The following MYH11 variants were observed in gnomAD, a reference collection of about 807,000 sequenced individuals.
The protein encoded by MYH11 is myosin-11.
In MYH11, 80 loss-of-function variants were observed where a neutral mutation model predicts 246.6. The observed-to-expected ratio is 0.32, with a 90% CI of 0.27 to 0.39. The LOEUF (loss-of-function observed/expected upper bound fraction) is 0.39. Ranked by LOEUF, MYH11 falls within the 10% of genes least tolerant of loss-of-function variation. MYH11 has a pLI of 1.00. For synonymous variants in MYH11, 1,071 were observed against 1,015.5 expected (o/e 1.05, Z -1.04); for missense variants, 2,158 against 2,546.8 (o/e 0.85, Z 3.29).
chr16:15,786,184 G>C (rs535984963), intron 5 of MYH11: 4 of 346,254 alleles, frequency 1.2e-5, no homozygotes, highest in South Asian at 2.3e-5. Context: ...GGGAACATCT[G>C]ACAATGTCTA....
At chr16:15,795,220 G>A (rs901573810) in intron 4 of MYH11, among the ~76,000 whole-genome samples, 2 of 152,102 alleles carry the variant, frequency 1.3e-5, no homozygotes, top group South Asian at 2.1e-4. Context: ...TTGAACCCAG[G>A]AGGCGGGGGT....
intron 26 of MYH11, 137 bp downstream of exon 26, chr16:15,735,229 A>T: frequency 1.1e-6 from 1 of 912,276 alleles, no homozygotes; most frequent in Non-Finnish European, 1.8e-6. Context: ...ATGCTTCTAT[A>T]AGTTAAAGCA....
Position 15,714,929 on chromosome 16 carries a change from G to A in MYH11, c.5766C>T (p.Asn1922=), listed in dbSNP as rs764020019. 78 of 1,613,884 alleles carry A rather than the reference G, an allele frequency of 4.8e-5. No homozygotes were observed. The Middle Eastern group carries it at 1.7e-3, about 34-fold the overall frequency. Reference sequence around the variant, plus strand: ...CTCACCTGAGCTTGCTCTTGAGTGCGTTCACCTCGCGGCCCATGGCCTCGT... The same window carrying A: ...CTCACCTGAGCTTGCTCTTGAGTGCATTCACCTCGCGGCCCATGGCCTCGT... ...ESNEAMGREV[N]ALKSKLRRGN... Residue 1922 remains asparagine, a synonymous_variant, in exon 40 of 41, where the codon AAC becomes AAT. Coordinates refer to ENST00000300036, the MANE Select transcript of MYH11 (RefSeq NM_002474.3).
intron 4 of MYH11, among the ~76,000 whole-genome samples, chr16:15,788,145 A>G (rs1304294002): frequency 4.5e-5 from 6 of 132,636 alleles, no homozygotes; most frequent in Non-Finnish European, 6.1e-5. Flanking sequence ...ACCAGAAATC[A>G]TCACAATGGA....
intron 40 of MYH11, among the ~76,000 whole-genome samples, chr16:15,709,418 G>A (rs1479806213): frequency 4.6e-5 from 7 of 151,792 alleles, no homozygotes; most frequent in East Asian, 3.9e-4. Flanking sequence ...GGGTTCAAGC[G>A]ATTCTCCTGC....
chr16:15,796,911 T>A (rs1374544893), intron 4 of MYH11, among the ~76,000 whole-genome samples: 1 of 152,210 alleles, frequency 6.6e-6, no homozygotes, highest in Non-Finnish European at 1.5e-5. Flanking sequence ...GGTAGCATTA[T>A]ATCTCTAGAT....
intron 6 of MYH11, among the ~76,000 whole-genome samples, chr16:15,780,191 A>G (rs757424937): frequency 3.9e-5 from 6 of 152,104 alleles, no homozygotes; most frequent in Non-Finnish European, 4.4e-5. Flanking sequence ...ATGCAAACGC[A>G]GTGCTTCTCA....
intron 4 of MYH11, among the ~76,000 whole-genome samples, chr16:15,787,144 T>C (rs957977943): frequency 6.6e-6 from 1 of 151,958 alleles, no homozygotes; most frequent in Non-Finnish European, 1.5e-5. Context: ...TGGTGGCACA[T>C]GCCTGTAGTC....
intron 8 of MYH11, among the ~76,000 whole-genome samples, chr16:15,774,601 ATTGT>A (rs1330015429): frequency 3.9e-5 from 6 of 152,132 alleles, no homozygotes; most frequent in Non-Finnish European, 8.8e-5. Flanking sequence ...ACTTATTTTT[ATTGT>A]TTGAGACAGA....
chr16:15,741,841 C>T lies in MYH11; in HGVS notation c.2571G>A (p.Lys857=), dbSNP rs777096260. 3.1e-6 allele frequency: 5 copies of T among 1,614,200 alleles called. No homozygotes were observed. The highest frequency in any genetic ancestry group is 1.7e-5 in the Admixed American group (1 of 60,008). Residue 857 remains lysine, a synonymous_variant, in exon 21 of 41, where the codon AAG becomes AAA. Coordinates refer to ENST00000300036, the MANE Select transcript of MYH11 (RefSeq NM_002474.3). The part of the protein sequence containing the change: ...VTRQEEEMQA[K]EDELQKTKER... Reference sequence around the variant, plus strand: ...CCTTGGTCTTCTGCAGTTCATCCTCCTTGGCCTGCATCTCCTCCTCCTGCC... The same window carrying T: ...CCTTGGTCTTCTGCAGTTCATCCTCTTTGGCCTGCATCTCCTCCTCCTGCC...
intron 1 of MYH11, among the ~76,000 whole-genome samples, chr16:15,841,626 T>A (rs2044053688): frequency 6.6e-6 from 1 of 152,216 alleles, no homozygotes; most frequent in East Asian, 1.9e-4. Context: ...ATTCACGTTA[T>A]CTGTCGTTAT....
chr16:15,719,475 G>A, intron 35 of MYH11, 110 bp downstream of exon 35: 2 of 1,554,744 alleles, frequency 1.3e-6, no homozygotes, highest in Non-Finnish European at 1.8e-6. Context: ...CTAGACAGGT[G>A]GACCCCAGAG....
intron 8 of MYH11, 124 bp downstream of exon 8, chr16:15,775,954 A>T: frequency 1.3e-6 from 1 of 795,002 alleles, no homozygotes; most frequent in Non-Finnish European, 2.3e-6. Flanking sequence ...TTCATATGTC[A>T]CTCACAGACA....
intron 13 of MYH11, among the ~76,000 whole-genome samples, chr16:15,757,494 G>C (rs947629977): frequency 2.1e-5 from 2 of 96,652 alleles, no homozygotes; most frequent in African/African-American, 8.8e-5. Context: ...GGGCAACAGA[G>C]TCAGACCATG....
At chr16:15,782,288 G>C in intron 6 of MYH11, 97 bp downstream of exon 6, 6 of 1,008,572 alleles carry the variant, frequency 5.9e-6, no homozygotes, top group African/African-American at 1.6e-5. Flanking sequence ...TCCAGGGTCA[G>C]ATGCCCCTCC....
chr16:15,710,570 A>G (rs1457222351), intron 40 of MYH11, among the ~76,000 whole-genome samples: 1 of 152,152 alleles, frequency 6.6e-6, no homozygotes, highest in African/African-American at 2.4e-5. Context: ...AAAGGGAAGC[A>G]GAGACAGCAG....
Position 15,823,377 on chromosome 16 carries a change from G to A in MYH11, c.380C>T (p.Pro127Leu), listed in dbSNP as rs1247447254. Residue 127 changes from proline to leucine, a missense_variant, in exon 3 of 41, where the codon CCC becomes CTC. Coordinates refer to ENST00000300036, the MANE Select transcript of MYH11 (RefSeq NM_002474.3). The stretch of plus-strand genomic sequence containing the variant: ...CGAGTAGATGGGCAGGTGTTTATAG[G>A]GGTTGACCACCACGCAGAAGAGGCC... ...YSGLFCVVVN[P>L]YKHLPIYSEK... The A allele has an allele frequency of 1.2e-6, 2 of 1,613,966 alleles. No homozygotes were observed. The highest frequency in any genetic ancestry group is 1.7e-6 in the Non-Finnish European group (2 of 1,180,042).
At chr16:15,726,761 G>C (rs1005926867) in intron 28 of MYH11, 87 bp downstream of exon 28, 1 of 1,489,044 alleles carries the variant, frequency 6.7e-7, no homozygotes, top group Non-Finnish European at 9.3e-7. Flanking sequence ...CAGCAAGAGA[G>C]ACCTCAGCGA....
At position 15,735,434 on chromosome 16, in the gene MYH11, C is replaced by T. The variant is rs912347927; in HGVS notation, c.3438G>A (p.Glu1146=). The T allele has an allele frequency of 1.2e-6, 2 of 1,614,098 alleles. No individual in the cohort carries two copies. The highest frequency in any genetic ancestry group is 4.5e-5 in the East Asian group (2 of 44,870). Residue 1146 remains glutamate, a synonymous_variant, in exon 26 of 41, where the codon GAG becomes GAA. Transcript: ENST00000300036. The stretch of plus-strand genomic sequence containing the variant: ...GCTCTGTCTTTAGGGCCTCCAGCTC[C>T]TCGCCGAGGTCTCGCTTCTGCTTTT... ...KAEKQKRDLG[E]ELEALKTELE... is the part of the protein sequence containing the mutation.
Sources: allele counts gnomAD v4.1 joint callset (sites outside exome capture counted in the v4.1 genomes callset), GRCh38; gene constraint gnomAD v4.1.1; transcripts MANE v1.5; gene names NCBI Gene and HGNC (gene_info 2026-07-23, HGNC 2026-07-21).